Variants in GPC5 observed in about 807,000 individuals in gnomAD.
The protein encoded by GPC5 is glypican-5.
A neutral mutation model predicts 53.9 loss-of-function variants in GPC5; 47 were observed. The ratio of observed to expected loss-of-function variants is 0.87; its 90% CI spans 0.69 to 1.11. GPC5 has a LOEUF of 1.11. GPC5 is among the 50% of genes most tolerant of loss of function. The pLI, the probability that GPC5 is intolerant of heterozygous loss-of-function variation, is 0.00. For synonymous variants in GPC5, 286 were observed against 263.3 expected (o/e 1.09, Z -0.84); for missense variants, 748 against 713.1 (o/e 1.05, Z -0.56).
intron 7 of GPC5, among the ~76,000 whole-genome samples, chr13:92,823,793 T>C (rs1224144814): frequency 6.6e-6 from 1 of 152,122 alleles, no homozygotes. Flanking sequence ...CTAAGTATTC[T>C]ACTTCCCAAC....
Position 92,245,547 on chromosome 13 carries a change from TGTC to T in GPC5, c.1561+100559_1561+100561del, listed in dbSNP as rs1224005922. The stretch of plus-strand genomic sequence containing the variant: ...TGAAGAATGAATGATTAAATAAACA[TGTC>T]TGAACCTTAGTTTCTTTATACAGAA... On this transcript the variant is annotated intron_variant, in intron 7 of 7. Transcript: ENST00000377067. Among the ~76,000 whole-genome samples the T allele has an allele frequency of 3.3e-5, 5 of 152,312 alleles. No homozygotes were observed. In the South Asian group the frequency reaches 1.0e-3, roughly 32 times the overall value.
chr13:92,051,202 T>A (rs1201684043), intron 6 of GPC5, among the ~76,000 whole-genome samples: 28 of 133,912 alleles, frequency 2.1e-4, no homozygotes, highest in African/African-American at 5.5e-4. Context: ...TTTTTTTCTT[T>A]TTTTTTTTTT....
At chr13:92,404,834 T>A (rs1321937024) in intron 7 of GPC5, among the ~76,000 whole-genome samples, 1 of 149,856 alleles carries the variant, frequency 6.7e-6, no homozygotes, top group Non-Finnish European at 1.5e-5. Flanking sequence ...CTAAGTATGA[T>A]CATCTTAAAT....
chr13:92,381,889 T>TATCATATATATCATATATATGA (rs753025655), intron 7 of GPC5, among the ~76,000 whole-genome samples: 68 of 122,168 alleles, frequency 5.6e-4, no homozygotes, highest in East Asian at 5.0e-3. Flanking sequence ...ATTATATATA[T>TATCATATATATCATATATATGA]TATATATAAT....
intron 7 of GPC5, among the ~76,000 whole-genome samples, chr13:92,339,147 A>T (rs2043346074): frequency 6.6e-6 from 1 of 151,496 alleles, no homozygotes; most frequent in Admixed American, 6.6e-5. Context: ...CAGAATATAC[A>T]TATATCATAC....
chr13:92,377,784 G>C (rs959031738), intron 7 of GPC5, among the ~76,000 whole-genome samples: 1 of 151,966 alleles, frequency 6.6e-6, no homozygotes, highest in South Asian at 2.1e-4. Context: ...ACATTAAATG[G>C]CCAACCAAGA....
At chr13:92,693,374 C>A (rs1366889821) in intron 7 of GPC5, among the ~76,000 whole-genome samples, 2 of 152,036 alleles carry the variant, frequency 1.3e-5, no homozygotes, top group African/African-American at 4.8e-5. Context: ...TTTCGAACTT[C>A]CTAGAGACTT....
At chr13:92,130,895 AAAAT>A (rs1340268274) in intron 6 of GPC5, among the ~76,000 whole-genome samples, 15 of 152,074 alleles carry the variant, frequency 9.9e-5, no homozygotes, top group Admixed American at 4.6e-4. Flanking sequence ...AATAAGATGA[AAAAT>A]AAATAATTAT....
intron 6 of GPC5, among the ~76,000 whole-genome samples, chr13:92,026,737 T>C (rs1024044004): frequency 3.3e-5 from 5 of 152,076 alleles, no homozygotes; most frequent in Admixed American, 6.6e-5. Flanking sequence ...TGGTGAAAAC[T>C]GATATTAGTT....
chr13:91,571,908 A>ATGTATACACACATATACGTGTGTG (rs2031858969), intron 2 of GPC5, among the ~76,000 whole-genome samples: 3 of 57,914 alleles, frequency 5.2e-5, no homozygotes, highest in African/African-American at 3.0e-4. Context: ...CACATATTGT[A>ATGTATACACACATATACGTGTGTG]TATATACACA....
At chr13:91,548,007 A>T (rs554381050) in intron 2 of GPC5, among the ~76,000 whole-genome samples, 14 of 152,276 alleles carry the variant, frequency 9.2e-5, no homozygotes, top group Non-Finnish European at 1.8e-4. Flanking sequence ...TACAGCTAAC[A>T]TCATACTTAA....
At chr13:92,209,864 A>G (rs2042362838) in intron 7 of GPC5, among the ~76,000 whole-genome samples, 1 of 152,144 alleles carries the variant, frequency 6.6e-6, no homozygotes, top group Non-Finnish European at 1.5e-5. Flanking sequence ...GTCCCACAAT[A>G]GGCCATCTGC....
intron 7 of GPC5, among the ~76,000 whole-genome samples, chr13:92,792,281 C>G (rs1876493081): frequency 6.6e-6 from 1 of 152,010 alleles, no homozygotes; most frequent in South Asian, 2.1e-4. Context: ...AATTTTCAAC[C>G]CAGAATTTCA....
chr13:91,903,183 T>A (rs1194307277), intron 5 of GPC5, among the ~76,000 whole-genome samples: 1 of 152,084 alleles, frequency 6.6e-6, no homozygotes, highest in Non-Finnish European at 1.5e-5. Flanking sequence ...GTAAATTAGA[T>A]CATAGAATAT....
intron 7 of GPC5, among the ~76,000 whole-genome samples, chr13:92,664,051 G>A (rs1390980115): frequency 1.3e-5 from 2 of 151,348 alleles, no homozygotes; most frequent in East Asian, 1.9e-4. Context: ...CAGCCTGGGC[G>A]ACAGAGTGAG....
chr13:92,260,089 C>T (rs919870930), intron 7 of GPC5, among the ~76,000 whole-genome samples: 1 of 152,168 alleles, frequency 6.6e-6, no homozygotes, highest in African/African-American at 2.4e-5. Flanking sequence ...TCTCTACTCA[C>T]TAATGCTGGG....
chr13:92,484,246 A>T (rs749779560), intron 7 of GPC5, among the ~76,000 whole-genome samples: 2 of 152,142 alleles, frequency 1.3e-5, no homozygotes, highest in Non-Finnish European at 2.9e-5. Context: ...GGTCAGTAAC[A>T]CTCATGGAGC....
At chr13:92,011,994 A>G (rs765890238) in intron 6 of GPC5, among the ~76,000 whole-genome samples, 4 of 152,178 alleles carry the variant, frequency 2.6e-5, no homozygotes. Context: ...GGAAGGTTTG[A>G]GGAGATTCTA....
At chr13:92,596,869 T>C (rs1461304205) in intron 7 of GPC5, among the ~76,000 whole-genome samples, 1 of 152,144 alleles carries the variant, frequency 6.6e-6, no homozygotes, top group Non-Finnish European at 1.5e-5. Context: ...AGTGACGACA[T>C]TAAAAGAAAA....
Sources: gnomAD v4.1 joint callset for allele counts (sites outside exome capture counted in the v4.1 genomes callset) on GRCh38, gnomAD v4.1.1 for gene constraint, MANE v1.5 for transcripts, NCBI Gene and HGNC (gene_info 2026-07-23, HGNC 2026-07-21) for gene names.